CCDC6: variants seen among roughly 807,000 people sequenced by gnomAD.
The protein encoded by CCDC6 is coiled-coil domain-containing protein 6.
CCDC6 carries 20 observed loss-of-function variants against 56.6 expected under a neutral mutation model. That is an observed-to-expected ratio of 0.35 (90% CI 0.25 to 0.51). CCDC6 has a LOEUF of 0.51. CCDC6 is among the 20% of genes least tolerant of loss of function. The pLI is 0.95. For missense variants in CCDC6, 367 were observed against 601.1 expected, an observed-to-expected ratio of 0.61 and a Z score of 4.07; for synonymous variants, 241 against 234.4, an observed-to-expected ratio of 1.03 and a Z score of -0.26.
chr10:59,859,030 C>T (rs1043958547), intron 1 of CCDC6, among the ~76,000 whole-genome samples: 5 of 152,098 alleles, frequency 3.3e-5, no homozygotes, highest in Non-Finnish European at 5.9e-5. Flanking sequence ...GGGCAACTCC[C>T]TCTGGGTTAG....
chr10:59,879,323 C>G (rs2071312953), intron 1 of CCDC6, among the ~76,000 whole-genome samples: 1 of 152,132 alleles, frequency 6.6e-6, no homozygotes, highest in South Asian at 2.1e-4. Flanking sequence ...ATTTTAAGAA[C>G]ACCCATATTA....
chr10:59,821,790 C>CAA (rs140568954), intron 3 of CCDC6, among the ~76,000 whole-genome samples: 46,893 of 151,330 alleles, frequency 0.31, 7,674 homozygotes, highest in Non-Finnish European at 0.36. Context: ...GAGAAATACG[C>CAA]AAAAAAAATC....
At chr10:59,840,999 G>T (rs1358445919) in intron 2 of CCDC6, among the ~76,000 whole-genome samples, 1 of 152,094 alleles carries the variant, frequency 6.6e-6, no homozygotes, top group Non-Finnish European at 1.5e-5. Flanking sequence ...AGCTATGTAG[G>T]ATCATTTTGC....
intron 1 of CCDC6, among the ~76,000 whole-genome samples, chr10:59,888,178 TG>T (rs1382016427): frequency 6.6e-6 from 1 of 152,236 alleles, no homozygotes; most frequent in Non-Finnish European, 1.5e-5. Context: ...TCTCCAGCCC[TG>T]AGTGGCTTCA....
At chr10:59,815,087 C>T (rs750375676) in intron 3 of CCDC6, among the ~76,000 whole-genome samples, 1 of 152,048 alleles carries the variant, frequency 6.6e-6, no homozygotes, top group Non-Finnish European at 1.5e-5. Context: ...TGGGCTTGTC[C>T]CTTACAGTTC....
At chr10:59,831,788 T>G (rs2070837272) in intron 3 of CCDC6, among the ~76,000 whole-genome samples, 1 of 152,102 alleles carries the variant, frequency 6.6e-6, no homozygotes, top group African/African-American at 2.4e-5. Context: ...TGCCCAGAGT[T>G]CTCTGTGATA....
chr10:59,852,304 T>G (rs2071046665), intron 2 of CCDC6, among the ~76,000 whole-genome samples: 1 of 152,200 alleles, frequency 6.6e-6, no homozygotes, highest in Admixed American at 6.5e-5. Context: ...GCCAAGATCT[T>G]GTGCTCATCA....
intron 1 of CCDC6, among the ~76,000 whole-genome samples, chr10:59,888,935 T>C (rs1313296818): frequency 6.6e-6 from 1 of 152,074 alleles, no homozygotes; most frequent in Non-Finnish European, 1.5e-5. Context: ...TCTGATTGCA[T>C]GCCAGACAAG....
chr10:59,899,588 T>C (rs894365845), intron 1 of CCDC6, among the ~76,000 whole-genome samples: 4 of 152,230 alleles, frequency 2.6e-5, no homozygotes, highest in African/African-American at 4.8e-5. Flanking sequence ...CAGTATTTAT[T>C]TGCATTACTG....
chr10:59,816,481 T>C (rs879004468), intron 3 of CCDC6, among the ~76,000 whole-genome samples: 7 of 152,226 alleles, frequency 4.6e-5, no homozygotes, highest in East Asian at 1.9e-4. Flanking sequence ...CTTATGATCA[T>C]AGACTTTGAG....
At chr10:59,879,401 G>C (rs111728925) in intron 1 of CCDC6, among the ~76,000 whole-genome samples, 2 of 152,136 alleles carry the variant, frequency 1.3e-5, no homozygotes, top group African/African-American at 4.8e-5. Context: ...GTATCCAGGA[G>C]TTAATCAGAT....
chr10:59,812,566 T>C lies in CCDC6; in HGVS notation c.847+69A>G, dbSNP rs927643149. ...AAATTCAACAGTAATTAAATGTTGG[T>C]AATACCCTATATTTGGTAAAGTTAT... On this transcript the variant is annotated intron_variant, in intron 5 of 8. Transcript: ENST00000263102. 6.9e-5 allele frequency: 71 copies of C among 1,027,406 alleles called. No individual in the cohort carries two copies. In the African/African-American group the frequency reaches 1.0e-3, roughly 15 times the overall value. The allele number at this position is 1,027,406 out of a possible 1,614,324, so 63.6% of individuals were successfully genotyped here. A position where few individuals can be genotyped will look rare whatever the true frequency, so the allele number is the denominator to read the frequency against.
intron 3 of CCDC6, among the ~76,000 whole-genome samples, chr10:59,828,724 C>T (rs1306558756): frequency 1.3e-5 from 2 of 152,178 alleles, no homozygotes; most frequent in Non-Finnish European, 2.9e-5. Flanking sequence ...TGATCTATCA[C>T]TAAGCAGTGA....
At chr10:59,805,320 T>C (rs930704679) in intron 6 of CCDC6, 2 of 152,224 alleles carry the variant, frequency 1.3e-5, no homozygotes, top group African/African-American at 4.8e-5. Context: ...AAGAGGCATC[T>C]TGTGGTCTCT....
At chr10:59,813,630 G>A (rs909749560) in intron 4 of CCDC6, among the ~76,000 whole-genome samples, 1 of 152,126 alleles carries the variant, frequency 6.6e-6, no homozygotes, top group African/African-American at 2.4e-5. Context: ...GGAGCAAACT[G>A]AGTTACCTCC....
At chr10:59,854,547 C>A (rs1387854761) in intron 1 of CCDC6, among the ~76,000 whole-genome samples, 2 of 151,962 alleles carry the variant, frequency 1.3e-5, no homozygotes, top group African/African-American at 4.8e-5. Flanking sequence ...CCAAGGCACC[C>A]AGTGAGCAGT....
chr10:59,840,455 T>C (rs148015611), intron 2 of CCDC6, among the ~76,000 whole-genome samples: 416 of 152,344 alleles, frequency 2.7e-3, no homozygotes, highest in Non-Finnish European at 4.2e-3. Context: ...TCCTTGCGTT[T>C]TCCTTATGAT....
chr10:59,812,062 CAAAAAA>C lies in CCDC6; in HGVS notation c.847+567_847+572del, dbSNP rs142710534. 4.8e-3 allele frequency among the ~76,000 whole-genome samples: 577 copies of C among 121,122 alleles called. 5 individuals are homozygous for C. The highest frequency in any genetic ancestry group is 0.014 in the African/African-American group (494 of 34,556). The allele number at this position is 121,122 out of a possible 152,430, so 79.5% of individuals were successfully genotyped here. ...GTTCAAAAAAATAAATTTGAATAGC[CAAAAAA>C]AAAAAAAAAAAAAACCACAAATAGG... On this transcript the variant is annotated intron_variant, in intron 5 of 8. Transcript: ENST00000263102.
intron 2 of CCDC6, among the ~76,000 whole-genome samples, chr10:59,838,122 C>A (rs1295423902): frequency 6.6e-6 from 1 of 152,110 alleles, no homozygotes; most frequent in Non-Finnish European, 1.5e-5. Flanking sequence ...TGGGCCCACA[C>A]TTATTCCCAC....
Sources: gnomAD v4.1 joint callset for allele counts (sites outside exome capture counted in the v4.1 genomes callset) on GRCh38, gnomAD v4.1.1 for gene constraint, MANE v1.5 for transcripts, NCBI Gene and HGNC (gene_info 2026-07-23, HGNC 2026-07-21) for gene names.